Variants in VAC14 observed in about 807,000 individuals in gnomAD.
The protein encoded by VAC14 is protein VAC14 homolog.
In VAC14, 47 loss-of-function variants were observed where a neutral mutation model predicts 85.3. The ratio of observed to expected loss-of-function variants is 0.55; its 90% CI spans 0.44 to 0.70. VAC14 has a LOEUF of 0.70. Ranked by LOEUF, VAC14 falls within the 30% of genes least tolerant of loss-of-function variation. The probability of loss-of-function intolerance (pLI) is 0.00; values close to 1 mark genes in which losing one functional copy is unlikely to be tolerated. For missense variants in VAC14, 861 were observed against 1,004.3 expected, an observed-to-expected ratio of 0.86 and a Z score of 1.93; for synonymous variants, 447 against 430.5, an observed-to-expected ratio of 1.04 and a Z score of -0.47.
chr16:70,788,247 A>G (rs2034161432), intron 1 of VAC14, among the ~76,000 whole-genome samples: 1 of 152,234 alleles, frequency 6.6e-6, no homozygotes, highest in South Asian at 2.1e-4. Context: ...TCCGGCAAAA[A>G]GGCTGTTCAA....
intron 14 of VAC14, among the ~76,000 whole-genome samples, chr16:70,712,760 C>T (rs573254672): frequency 6.6e-6 from 1 of 152,302 alleles, no homozygotes; most frequent in East Asian, 1.9e-4. Flanking sequence ...TACTGCTATA[C>T]CATTCTGCAT....
chr16:70,721,240 C>T (rs965188107), intron 14 of VAC14, among the ~76,000 whole-genome samples: 9 of 152,194 alleles, frequency 5.9e-5, no homozygotes, highest in South Asian at 2.1e-4. Flanking sequence ...CCAGAAAGGA[C>T]GTATAGATTG....
At chr16:70,735,379 C>T (rs1044984457) in intron 13 of VAC14, among the ~76,000 whole-genome samples, 21 of 121,200 alleles carry the variant, frequency 1.7e-4, no homozygotes, top group African/African-American at 8.7e-4. Context: ...AGCATCAGCC[C>T]AAAGCACAAA....
At chr16:70,736,590 GC>G in intron 13 of VAC14, among the ~76,000 whole-genome samples, 2 of 152,276 alleles carry the variant, frequency 1.3e-5, no homozygotes, top group Middle Eastern at 6.8e-3. Flanking sequence ...GAACTCCTTA[GC>G]CACAGCCCCT....
At chr16:70,699,299 T>A (rs1158373417) in intron 14 of VAC14, 2 of 189,164 alleles carry the variant, frequency 1.1e-5, no homozygotes, top group Non-Finnish European at 2.2e-5. Flanking sequence ...GCCCCCGAGG[T>A]CAGGGATTTG....
At chr16:70,705,248 A>G (rs1426725804) in intron 14 of VAC14, among the ~76,000 whole-genome samples, 1 of 152,090 alleles carries the variant, frequency 6.6e-6, no homozygotes, top group East Asian at 1.9e-4. Flanking sequence ...TGGCTTCTTA[A>G]GAGGGTGACC....
chr16:70,706,762 G>A (rs1007253753), intron 14 of VAC14, among the ~76,000 whole-genome samples: 3 of 152,188 alleles, frequency 2.0e-5, no homozygotes, highest in African/African-American at 7.2e-5. Flanking sequence ...TAAGTGCTGG[G>A]ATTACAGGTG....
chr16:70,739,157 T>A lies in VAC14; in HGVS notation c.1528+5266A>T, dbSNP rs79610271. ...GCCCCCAGGCACCCCAGCACCTGGTTTATAGAGAGGGAAGAAGTAGCAGTG... is the reference window on the plus strand; with the variant it reads ...GCCCCCAGGCACCCCAGCACCTGGTATATAGAGAGGGAAGAAGTAGCAGTG... On this transcript the variant is annotated intron_variant, in intron 13 of 18. Transcript: ENST00000261776. Among the ~76,000 whole-genome samples the A allele has an allele frequency of 3.4e-3, 512 of 152,142 alleles. 2 individuals carry two copies. The highest frequency in any genetic ancestry group is 6.8e-3 in the Middle Eastern group (2 of 294).
chr16:70,739,539 G>A (rs2030050720), intron 13 of VAC14, among the ~76,000 whole-genome samples: 1 of 152,280 alleles, frequency 6.6e-6, no homozygotes, highest in Middle Eastern at 3.4e-3. Flanking sequence ...TGCTGGCGCA[G>A]GTGGGATTCC....
chr16:70,781,498 CCTT>C (rs1400943283), intron 8 of VAC14, among the ~76,000 whole-genome samples: 1 of 152,196 alleles, frequency 6.6e-6, no homozygotes, highest in African/African-American at 2.4e-5. Context: ...CCCCTGCTCT[CCTT>C]GTCATACTGG....
intron 14 of VAC14, among the ~76,000 whole-genome samples, chr16:70,717,729 C>G (rs971013201): frequency 3.3e-5 from 5 of 152,194 alleles, no homozygotes; most frequent in Non-Finnish European, 5.9e-5. Flanking sequence ...GATCTCAGCT[C>G]ACTGCAACCT....
At chr16:70,784,718 TACAG>T in intron 4 of VAC14, 54 bp downstream of exon 4, 1 of 1,518,492 alleles carries the variant, frequency 6.6e-7, no homozygotes, top group South Asian at 1.1e-5. Flanking sequence ...TTCTAAGCTT[TACAG>T]ACAGACGGGA....
At chr16:70,724,369 C>T (rs893759316) in intron 14 of VAC14, among the ~76,000 whole-genome samples, 5 of 152,184 alleles carry the variant, frequency 3.3e-5, no homozygotes, top group African/African-American at 7.2e-5. Context: ...GAACAACCTC[C>T]GATGGTTCTG....
intron 18 of VAC14, chr16:70,691,095 C>T (rs1182152366): frequency 1.0e-6 from 1 of 985,434 alleles, no homozygotes; most frequent in Non-Finnish European, 1.2e-6. Context: ...TGGCTCAAGA[C>T]TTCCCTGACT....
chr16:70,786,669 A>C (rs540500932), intron 1 of VAC14, among the ~76,000 whole-genome samples: 1 of 152,232 alleles, frequency 6.6e-6, no homozygotes, highest in Non-Finnish European at 1.5e-5. Context: ...TTATCAGTTG[A>C]TCAACTGTCT....
intron 12 of VAC14, among the ~76,000 whole-genome samples, chr16:70,756,508 T>C (rs1203001420): frequency 1.3e-5 from 2 of 152,272 alleles, no homozygotes; most frequent in South Asian, 2.1e-4. Context: ...AGGGGGTGCT[T>C]CCCAGCGCCT....
chr16:70,700,841 G>A (rs1435259459), intron 14 of VAC14, among the ~76,000 whole-genome samples: 2 of 152,188 alleles, frequency 1.3e-5, no homozygotes, highest in African/African-American at 2.4e-5. Flanking sequence ...AGCTGGTGCC[G>A]TCTCCATGAC....
At chr16:70,761,020 CAT>C (rs1417585096) in intron 12 of VAC14, 10 of 83,062 alleles carry the variant, frequency 1.2e-4, no homozygotes, top group Non-Finnish European at 1.9e-4. Context: ...TGTGTGTGTG[CAT>C]GGGGGGGCGG....
intron 14 of VAC14, among the ~76,000 whole-genome samples, chr16:70,711,297 T>G (rs1431875507): frequency 6.6e-6 from 1 of 152,136 alleles, no homozygotes; most frequent in Non-Finnish European, 1.5e-5. Context: ...GGCATGGCCA[T>G]GCCCTCCTGA....
Sources: gnomAD v4.1 joint callset for allele counts (sites outside exome capture counted in the v4.1 genomes callset) on GRCh38, gnomAD v4.1.1 for gene constraint, MANE v1.5 for transcripts, NCBI Gene and HGNC (gene_info 2026-07-23, HGNC 2026-07-21) for gene names.